The following MTFR1 variants were observed in gnomAD, a reference collection of about 807,000 sequenced individuals.
The protein encoded by MTFR1 is chondrocyte protein with a poly-proline region.
Under a neutral mutation model 38.8 loss-of-function variants are expected in MTFR1, and 28 were observed. That is an observed-to-expected ratio of 0.72 (90% CI 0.53 to 0.99). The LOEUF (loss-of-function observed/expected upper bound fraction) is 0.99, where lower values mean the gene tolerates loss of function less well. Ranked by LOEUF, MTFR1 falls within the 50% of genes least tolerant of loss-of-function variation. The pLI, the probability that MTFR1 is intolerant of heterozygous loss-of-function variation, is 0.00. For missense variants in MTFR1, 358 were observed against 395.5 expected (o/e 0.91, Z 0.81); for synonymous variants, 145 against 137.0 (o/e 1.06, Z -0.41).
At chr8:65,700,522 A>G (rs1486531589) in intron 4 of MTFR1, among the ~76,000 whole-genome samples, 1 of 152,060 alleles carries the variant, frequency 6.6e-6, no homozygotes, top group Non-Finnish European at 1.5e-5. Context: ...ACACATTTTC[A>G]TTTCCTTTTT....
At position 65,682,940 on chromosome 8, in the gene MTFR1, A is replaced by G. The variant is rs961113879; in HGVS notation, c.165+489A>G. ...CCTTGGCAATGACAGTGTCAAGACA[A>G]AAAGGTAATTGTGGTTTTCGCAGTG... On this transcript the variant is annotated intron_variant, in intron 3 of 7. Transcript: ENST00000262146. The G allele has an allele frequency of 4.1e-6, 4 of 984,874 alleles. No individual in the cohort carries two copies. The African/African-American group carries it at 7.0e-5, about 17-fold the overall frequency. 61.0% of individuals were successfully genotyped at this position (984,874 alleles called of 1,614,324 possible).
rs755648839 is a variant in MTFR1, at chr8:65,693,637, C to T, written c.166-7C>T. ...GGTGAAGAACTTTCCCTATTTATAA[C>T]TTACAGATTAACAGCCATGCAACAG... On this transcript the variant is annotated splice_polypyrimidine_tract_variant and splice_region_variant and intron_variant, in intron 3 of 7. Coordinates refer to ENST00000262146, the MANE Select transcript of MTFR1 (RefSeq NM_014637.4). 7 of 1,611,976 alleles carry T rather than the reference C, an allele frequency of 4.3e-6. No individual in the cohort carries two copies. In the South Asian group the frequency reaches 4.4e-5, roughly 10 times the overall value.
At chr8:65,767,800 T>G (rs1460621909) in intron 3 of MTFR1, among the ~76,000 whole-genome samples, 3 of 152,174 alleles carry the variant, frequency 2.0e-5, no homozygotes, top group Admixed American at 2.0e-4. Flanking sequence ...ATCTGGATCC[T>G]TTGCAATATC....
intron 2 of MTFR1, among the ~76,000 whole-genome samples, chr8:65,670,538 TAA>T (rs1397287564): frequency 3.3e-5 from 5 of 152,238 alleles, no homozygotes; most frequent in African/African-American, 7.2e-5. Flanking sequence ...TACTGATATA[TAA>T]AGTTTGTTTA....
At chr8:65,774,251 C>T (rs1313999927), downstream of MTFR1, among the ~76,000 whole-genome samples, 1 of 152,136 alleles carries the variant, frequency 6.6e-6, no homozygotes, top group African/African-American at 2.4e-5. Context: ...CTCTTTCGTG[C>T]TGTTGGAAAT....
intron 1 of MTFR1, among the ~76,000 whole-genome samples, chr8:65,661,070 G>A (rs553756784): frequency 6.6e-6 from 1 of 152,148 alleles, no homozygotes; most frequent in Admixed American, 6.5e-5. Flanking sequence ...TGGGAAGGAG[G>A]GTAAATTAAT....
intron 1 of MTFR1, among the ~76,000 whole-genome samples, chr8:65,645,768 A>T (rs565331311): frequency 7.0e-6 from 1 of 143,826 alleles, no homozygotes; most frequent in African/African-American, 2.6e-5. Context: ...GGCTTAAGCG[A>T]TCCTCCCTCC....
At chr8:65,663,631 A>AT (rs144382928) in intron 1 of MTFR1, among the ~76,000 whole-genome samples, 29,000 of 151,592 alleles carry the variant, frequency 0.19, 2,934 homozygotes, top group Middle Eastern at 0.23. Flanking sequence ...AATTGCTAAA[A>AT]TAAAAAAGTA....
intron 2 of MTFR1, among the ~76,000 whole-genome samples, chr8:65,676,163 A>T (rs1367144505): frequency 2.0e-5 from 3 of 152,144 alleles, no homozygotes; most frequent in African/African-American, 7.2e-5. Flanking sequence ...CCCAACACAC[A>T]CTTTTAATTT....
intron 3 of MTFR1, chr8:65,727,435 T>TG: frequency 7.7e-7 from 1 of 1,299,296 alleles, no homozygotes; most frequent in Non-Finnish European, 1.0e-6. Context: ...CTCAGGTGGT[T>TG]GTTCATTAGG....
chr8:65,676,389 G>A (rs528935596), intron 2 of MTFR1, among the ~76,000 whole-genome samples: 3 of 152,104 alleles, frequency 2.0e-5, no homozygotes, highest in East Asian at 1.9e-4. Flanking sequence ...TCTTTGAGAC[G>A]AAATCTTGTT....
intron 3 of MTFR1, among the ~76,000 whole-genome samples, chr8:65,762,991 ATG>A (rs34371328): frequency 0.18 from 25,340 of 138,270 alleles, 2,260 homozygotes; most frequent in East Asian, 0.33. Flanking sequence ...TATAAAAACA[ATG>A]TGTGTGTGTG....
At chr8:65,700,681 T>A (rs543673428) in intron 4 of MTFR1, among the ~76,000 whole-genome samples, 33 of 152,260 alleles carry the variant, frequency 2.2e-4, no homozygotes, top group African/African-American at 7.7e-4. Flanking sequence ...AAGGGAAAAG[T>A]CAAGCTGGGA....
intron 1 of MTFR1, among the ~76,000 whole-genome samples, chr8:65,650,667 A>G (rs968907170): frequency 9.9e-5 from 15 of 152,196 alleles, no homozygotes; most frequent in South Asian, 8.3e-4. Flanking sequence ...TCCGCTATGT[A>G]TATGTATCAC....
At chr8:65,746,916 A>G (rs1807699633) in intron 3 of MTFR1, among the ~76,000 whole-genome samples, 1 of 152,216 alleles carries the variant, frequency 6.6e-6, no homozygotes, top group Non-Finnish European at 1.5e-5. Flanking sequence ...CAAACTCAAG[A>G]ATCTGGTCTG....
At chr8:65,762,504 A>G (rs1423322959) in intron 3 of MTFR1, among the ~76,000 whole-genome samples, 1 of 152,150 alleles carries the variant, frequency 6.6e-6, no homozygotes, top group Admixed American at 6.5e-5. Context: ...CAATTCTGCC[A>G]CTTTTACTAG....
At chr8:65,724,773 T>C (rs1806540059) in intron 3 of MTFR1, 1 of 1,601,072 alleles carries the variant, frequency 6.2e-7, no homozygotes, top group Non-Finnish European at 8.5e-7. Flanking sequence ...AAGCCCCATT[T>C]TACCTGTAAA....
At chr8:65,699,907 A>T (rs1342452390) in intron 4 of MTFR1, among the ~76,000 whole-genome samples, 1 of 152,084 alleles carries the variant, frequency 6.6e-6, no homozygotes, top group African/African-American at 2.4e-5. Context: ...TCTTCCTTGA[A>T]ATTTATGTTG....
rs1183593742 is a variant in MTFR1 at position 65,644,783 on chromosome 8, A to G, written c.-82A>G. 2 of 152,542 alleles carry G rather than the reference A, an allele frequency of 1.3e-5. No homozygotes were observed. 9.4% of individuals were successfully genotyped at this position (152,542 alleles called of 1,614,324 possible). Reference sequence around the variant, plus strand: ...GAGGGTGCTGGCTGCCGCGCGGCCGAGGTGAGTAGGGTGGGAACTCGGAAA... The same window carrying G: ...GAGGGTGCTGGCTGCCGCGCGGCCGGGGTGAGTAGGGTGGGAACTCGGAAA... On this transcript the variant is annotated splice_region_variant and 5_prime_UTR_variant, in exon 1 of 8. Transcript: ENST00000262146.
Sources: allele counts gnomAD v4.1 joint callset (sites outside exome capture counted in the v4.1 genomes callset), GRCh38; gene constraint gnomAD v4.1.1; transcripts MANE v1.5; gene names NCBI Gene and HGNC (gene_info 2026-07-23, HGNC 2026-07-21).